PRKCE: variants seen among roughly 807,000 people sequenced by gnomAD.
The protein encoded by PRKCE is protein kinase C epsilon, also known as protein kinase C epsilon type.
A neutral mutation model predicts 85.4 loss-of-function variants in PRKCE; 16 were observed. That is an observed-to-expected ratio of 0.19 (90% confidence interval 0.13 to 0.28). The LOEUF (loss-of-function observed/expected upper bound fraction) is 0.28, where lower values mean the gene tolerates loss of function less well. Ranked by LOEUF, PRKCE falls within the 10% of genes least tolerant of loss-of-function variation. The probability of loss-of-function intolerance (pLI) is 1.00; values close to 1 mark genes in which losing one functional copy is unlikely to be tolerated. For missense variants in PRKCE, 573 were observed against 975.2 expected, an observed-to-expected ratio of 0.59 and a Z score of 5.49; for synonymous variants, 388 against 371.5, an observed-to-expected ratio of 1.04 and a Z score of -0.51.
intron 1 of PRKCE, among the ~76,000 whole-genome samples, chr2:45,693,321 G>T (rs1040772412): frequency 2.0e-5 from 3 of 152,212 alleles, no homozygotes; most frequent in African/African-American, 7.2e-5. Context: ...AAGCTCCAGT[G>T]TAGATGCCCA....
At chr2:45,672,504 G>A (rs1023987949) in intron 1 of PRKCE, among the ~76,000 whole-genome samples, 34 of 152,162 alleles carry the variant, frequency 2.2e-4, no homozygotes, top group Non-Finnish European at 4.0e-4. Flanking sequence ...TCAGTTTATT[G>A]GTCATATAGT....
At chr2:45,707,567 G>T (rs969176986) in intron 1 of PRKCE, among the ~76,000 whole-genome samples, 2 of 152,176 alleles carry the variant, frequency 1.3e-5, no homozygotes, top group African/African-American at 4.8e-5. Context: ...ACTTGCTCTT[G>T]CCCCTGTGCT....
chr2:46,143,890 CT>C (rs1297940432), intron 11 of PRKCE, among the ~76,000 whole-genome samples: 6 of 152,212 alleles, frequency 3.9e-5, no homozygotes, highest in African/African-American at 1.2e-4. Flanking sequence ...CCTGCCCCAC[CT>C]TTGCACTCAG....
chr2:46,091,684 TCA>T (rs1406318790), intron 11 of PRKCE, among the ~76,000 whole-genome samples: 1 of 152,216 alleles, frequency 6.6e-6, no homozygotes, highest in Non-Finnish European at 1.5e-5. Flanking sequence ...CGTAGGGATT[TCA>T]TGAGTGAATA....
At chr2:46,073,558 C>G (rs1033190953) in intron 10 of PRKCE, 1 of 152,066 alleles carries the variant, frequency 6.6e-6, no homozygotes, top group African/African-American at 2.4e-5. Flanking sequence ...CCTCAGTCAG[C>G]GTTCAGTGTA....
intron 2 of PRKCE, among the ~76,000 whole-genome samples, chr2:45,949,442 T>G (rs1700472112): frequency 1.3e-5 from 2 of 149,136 alleles, no homozygotes; most frequent in African/African-American, 2.5e-5. Flanking sequence ...TTTTTTTCCT[T>G]GAGGGTAGGA....
intron 2 of PRKCE, among the ~76,000 whole-genome samples, chr2:45,862,476 T>C (rs1189747458): frequency 6.6e-6 from 1 of 152,206 alleles, no homozygotes. Flanking sequence ...TGTCAGCTCC[T>C]CTAACCAGAC....
chr2:46,147,674 G>A (rs1257515535), intron 12 of PRKCE, among the ~76,000 whole-genome samples: 1 of 152,166 alleles, frequency 6.6e-6, no homozygotes, highest in Non-Finnish European at 1.5e-5. Context: ...TTCATCGAGG[G>A]CTACTGGGAA....
Position 45,791,492 on chromosome 2 carries a change from G to A in PRKCE, c.349-51508G>A, listed in dbSNP as rs374735052. On this transcript the variant is annotated intron_variant, in intron 1 of 14. Transcript: ENST00000306156. ...GCAGGCTCAGCATTACACTGTATTTGTATAATTCCCTATGTCCTTTCCTTC... is the reference window on the plus strand; with the variant it reads ...GCAGGCTCAGCATTACACTGTATTTATATAATTCCCTATGTCCTTTCCTTC... Among the ~76,000 whole-genome samples the A allele has an allele frequency of 1.4e-4, 22 of 152,304 alleles. No homozygotes were observed. In the East Asian group the frequency reaches 3.9e-3, roughly 27 times the overall value.
intron 1 of PRKCE, among the ~76,000 whole-genome samples, chr2:45,765,307 A>G (rs2104862219): frequency 6.6e-6 from 1 of 152,320 alleles, no homozygotes; most frequent in South Asian, 2.1e-4. Context: ...TTGACAATAA[A>G]AACAATATGT....
At chr2:45,899,053 T>A (rs4952791) in intron 2 of PRKCE, among the ~76,000 whole-genome samples, 53,567 of 152,120 alleles carry the variant, frequency 0.35, 10,070 homozygotes, top group East Asian at 0.54. Context: ...GGGGAGACTG[T>A]CCAATAGGCC....
In PRKCE at chr2:45,848,073, G is replaced by C. The variant is rs748303550; in HGVS notation, c.412+5010G>C. On this transcript the variant is annotated intron_variant, in intron 2 of 14. Transcript: ENST00000306156. ...GACTCTGAGTCCATAGCAGGCATTA[G>C]AGCAGTACCTCCAGGGCTGAAATCA... 1.6e-4 allele frequency among the ~76,000 whole-genome samples: 25 copies of C among 152,188 alleles called. 1 individual carries two copies. The highest frequency in any genetic ancestry group is 1.6e-3 in the Admixed American group (25 of 15,288).
intron 2 of PRKCE, among the ~76,000 whole-genome samples, chr2:45,867,905 G>A (rs1367232116): frequency 6.6e-6 from 1 of 152,158 alleles, no homozygotes; most frequent in Admixed American, 6.5e-5. Context: ...CCCTTGGGAA[G>A]CCCCCAGGTC....
intron 2 of PRKCE, among the ~76,000 whole-genome samples, chr2:45,947,024 G>A (rs1258500702): frequency 6.6e-6 from 1 of 152,208 alleles, no homozygotes; most frequent in East Asian, 1.9e-4. Context: ...CATCAGAATA[G>A]GCTAGACAGA....
At chr2:45,683,425 G>T (rs1292547822) in intron 1 of PRKCE, among the ~76,000 whole-genome samples, 1 of 152,234 alleles carries the variant, frequency 6.6e-6, no homozygotes, top group Non-Finnish European at 1.5e-5. Context: ...TCCTTGGCAG[G>T]TCTTGCCCTT....
At chr2:45,903,877 G>T (rs1696752773) in intron 2 of PRKCE, among the ~76,000 whole-genome samples, 1 of 124,276 alleles carries the variant, frequency 8.0e-6, no homozygotes, top group Non-Finnish European at 1.6e-5. Context: ...CTTGTAGCCT[G>T]GCAGTTTTTT....
intron 2 of PRKCE, among the ~76,000 whole-genome samples, chr2:45,939,172 A>G (rs1489652151): frequency 6.6e-6 from 1 of 152,228 alleles, no homozygotes; most frequent in South Asian, 2.1e-4. Flanking sequence ...AGTCACTTGG[A>G]GGCTTCAATA....
intron 1 of PRKCE, among the ~76,000 whole-genome samples, chr2:45,768,258 T>G (rs1305864533): frequency 6.6e-6 from 1 of 152,254 alleles, no homozygotes; most frequent in Non-Finnish European, 1.5e-5. Flanking sequence ...GTTACAGTGC[T>G]AAATGTATAT....
At chr2:45,725,131 C>A (rs1425359454) in intron 1 of PRKCE, among the ~76,000 whole-genome samples, 1 of 152,206 alleles carries the variant, frequency 6.6e-6, no homozygotes, top group African/African-American at 2.4e-5. Context: ...AGCCAGTGCT[C>A]ATTTACCATT....
Sources: allele counts gnomAD v4.1 joint callset (sites outside exome capture counted in the v4.1 genomes callset), GRCh38; gene constraint gnomAD v4.1.1; transcripts MANE v1.5; gene names NCBI Gene and HGNC (gene_info 2026-07-23, HGNC 2026-07-21).